Variants in CNKSR3 observed in about 807,000 individuals in gnomAD.
CNKSR3 encodes connector enhancer of kinase suppressor of ras 3.
In CNKSR3, 36 loss-of-function variants were observed where a neutral mutation model predicts 67.7. The ratio of observed to expected loss-of-function variants is 0.53; its 90% CI spans 0.41 to 0.70. CNKSR3 has a LOEUF of 0.70. CNKSR3 is among the 30% of genes least tolerant of loss of function. CNKSR3 has a pLI of 0.00. For synonymous variants in CNKSR3, 281 were observed against 271.4 expected (o/e 1.04, Z -0.35); for missense variants, 630 against 695.2 (o/e 0.91, Z 1.05).
At chr6:154,406,733 G>A in intron 12 of CNKSR3, 81 bp from the exon 13 acceptor site, 1 of 1,239,164 alleles carries the variant, frequency 8.1e-7, no homozygotes, top group Non-Finnish European at 1.1e-6. Flanking sequence ...ACTTTGGGAG[G>A]TCGAGGTGGG....
At chr6:154,454,585 G>A (rs771033956) in intron 1 of CNKSR3, among the ~76,000 whole-genome samples, 19 of 152,118 alleles carry the variant, frequency 1.2e-4, no homozygotes, top group East Asian at 1.9e-4. Flanking sequence ...ATAGCAGCAC[G>A]ATCATAGCTC....
intron 1 of CNKSR3, among the ~76,000 whole-genome samples, chr6:154,498,110 T>C (rs991877115): frequency 3.3e-5 from 5 of 152,198 alleles, no homozygotes; most frequent in African/African-American, 1.2e-4. Flanking sequence ...GGCATGAGTG[T>C]TTCTGGCTAA....
chr6:154,472,632 G>C (rs55699145), intron 1 of CNKSR3, among the ~76,000 whole-genome samples: 3 of 152,088 alleles, frequency 2.0e-5, no homozygotes, highest in Non-Finnish European at 4.4e-5. Flanking sequence ...CGACTGTTTT[G>C]GTCCACATCA....
intron 1 of CNKSR3, among the ~76,000 whole-genome samples, chr6:154,507,123 A>C (rs1407076684): frequency 6.6e-6 from 1 of 152,250 alleles, no homozygotes; most frequent in Non-Finnish European, 1.5e-5. Flanking sequence ...ATATTTGTAC[A>C]ATGCTTAGAC....
chr6:154,464,310 G>A (rs1486281715), intron 1 of CNKSR3, among the ~76,000 whole-genome samples: 1 of 152,152 alleles, frequency 6.6e-6, no homozygotes, highest in African/African-American at 2.4e-5. Flanking sequence ...CCCAGAGAGG[G>A]CAAGAGCAGG....
intron 1 of CNKSR3, among the ~76,000 whole-genome samples, chr6:154,474,412 C>CAA (rs36085826): frequency 7.8e-6 from 1 of 128,188 alleles, no homozygotes; most frequent in Non-Finnish European, 1.8e-5. Flanking sequence ...GACTCCGTCT[C>CAA]AAAAAAAAAA....
chr6:154,482,959 C>T (rs892872541), intron 1 of CNKSR3, among the ~76,000 whole-genome samples: 3 of 152,170 alleles, frequency 2.0e-5, no homozygotes, highest in Non-Finnish European at 4.4e-5. Context: ...TGCATTTCTG[C>T]CTGCCACGTT....
chr6:154,464,884 G>A (rs963592732), intron 1 of CNKSR3, among the ~76,000 whole-genome samples: 1 of 151,908 alleles, frequency 6.6e-6, no homozygotes, highest in Non-Finnish European at 1.5e-5. Flanking sequence ...GCTCACACCT[G>A]TAATCCCAGC....
Position 154,437,817 on chromosome 6 carries a change from C to T in CNKSR3, c.507+3475G>A, listed in dbSNP as rs544477632. On this transcript the variant is annotated intron_variant, in intron 4 of 12. Coordinates refer to ENST00000607772, the MANE Select transcript of CNKSR3 (RefSeq NM_173515.4). ...AAAATGATATCCTGATATATATTTA[C>T]ATATCAGTCTTACTCCTTCAAAACT... is the stretch of plus-strand genomic sequence containing the variant. 6.7e-4 allele frequency among the ~76,000 whole-genome samples: 102 copies of T among 152,278 alleles called. 2 individuals are homozygous for T. The highest frequency in any genetic ancestry group is 6.7e-3 in the Admixed American group (102 of 15,290).
In CNKSR3 at chr6:154,510,355, G is replaced by A. The variant is rs968235008; in HGVS notation, c.-241C>T. ...AGCTCCTCCTTCCCCCGCCGCCGCC[G>A]GGATCCCGGGCACAGCTGCTGCTCC... On this transcript the variant is annotated 5_prime_UTR_variant, in exon 1 of 13. Coordinates refer to ENST00000607772, the MANE Select transcript of CNKSR3 (RefSeq NM_173515.4). 2 of 541,594 alleles carry A rather than the reference G, an allele frequency of 3.7e-6. No individual in the cohort carries two copies. The highest frequency in any genetic ancestry group is 2.2e-5 in the South Asian group (1 of 45,602). 33.5% of individuals were successfully genotyped at this position (541,594 alleles called of 1,614,324 possible).
intron 6 of CNKSR3, 67 bp downstream of exon 6, chr6:154,430,398 AGGAATTT>A (rs1785339673): frequency 5.8e-6 from 8 of 1,376,888 alleles, no homozygotes; most frequent in Non-Finnish European, 7.9e-6. Flanking sequence ...GAAAGCAATA[AGGAATTT>A]TTTTAAAAAT....
intron 2 of CNKSR3, among the ~76,000 whole-genome samples, chr6:154,448,532 G>C (rs1785756746): frequency 6.6e-6 from 1 of 151,444 alleles, no homozygotes; most frequent in Non-Finnish European, 1.5e-5. Flanking sequence ...CCACATCTAA[G>C]GTGAGCGTTA....
In CNKSR3 at chr6:154,399,780, CCT is replaced by C. The variant is rs1784697116; in HGVS notation, c.*6572_*6573del. On this transcript the variant is annotated 3_prime_UTR_variant, in exon 13 of 13. Coordinates refer to ENST00000607772, the MANE Select transcript of CNKSR3 (RefSeq NM_173515.4). ...ATATTAAACTTCATTTCTGAAGCTC[CCT>C]GATTCTCTAAAATAATCAAAATGTT... 1 of 151,902 alleles carries C rather than the reference CCT, an allele frequency of 6.6e-6. No homozygotes were observed. The allele number at this position is 151,902 out of a possible 1,614,324, so 9.4% of individuals were successfully genotyped here.
chr6:154,433,696 TTCCGAAGG>T (rs923177250), intron 4 of CNKSR3, 189 bp from the exon 5 acceptor site: 2 of 554,216 alleles, frequency 3.6e-6, no homozygotes, highest in African/African-American at 3.8e-5. Context: ...CGTTTGCACC[TTCCGAAGG>T]TCCTGCTCTC....
At chr6:154,464,966 C>T (rs1256172549) in intron 1 of CNKSR3, among the ~76,000 whole-genome samples, 1 of 151,230 alleles carries the variant, frequency 6.6e-6, no homozygotes, top group African/African-American at 2.4e-5. Flanking sequence ...ATGGTGAAAC[C>T]CCATCTCTAC....
At chr6:154,500,840 C>T (rs548571921) in intron 1 of CNKSR3, among the ~76,000 whole-genome samples, 2 of 152,296 alleles carry the variant, frequency 1.3e-5, no homozygotes, top group Admixed American at 6.5e-5. Flanking sequence ...TAATAAACAA[C>T]CATATTTGCC....
chr6:154,435,490 T>G (rs921203869), intron 4 of CNKSR3, among the ~76,000 whole-genome samples: 1 of 152,048 alleles, frequency 6.6e-6, no homozygotes, highest in African/African-American at 2.4e-5. Context: ...GCGGTGGTGA[T>G]GGAGACAGCA....
chr6:154,421,786 G>A (rs567801868), intron 9 of CNKSR3, among the ~76,000 whole-genome samples: 2 of 152,264 alleles, frequency 1.3e-5, no homozygotes, highest in South Asian at 2.1e-4. Context: ...GTCTCTCCAG[G>A]ATTAGTGTTC....
chr6:154,485,784 A>G (rs1786653959), intron 1 of CNKSR3, among the ~76,000 whole-genome samples: 1 of 152,226 alleles, frequency 6.6e-6, no homozygotes, highest in Non-Finnish European at 1.5e-5. Context: ...GAACAGGGGT[A>G]ATCACCCTTC....
Sources: allele counts gnomAD v4.1 joint callset (sites outside exome capture counted in the v4.1 genomes callset), GRCh38; gene constraint gnomAD v4.1.1; transcripts MANE v1.5; gene names NCBI Gene and HGNC (gene_info 2026-07-23, HGNC 2026-07-21).